The following LRRC1 variants were observed in gnomAD, a reference collection of about 807,000 sequenced individuals.
LRRC1 encodes leucine rich repeat containing 1.
A neutral mutation model predicts 69.9 loss-of-function variants in LRRC1; 28 were observed. The ratio of observed to expected loss-of-function variants is 0.40; its 90% CI spans 0.30 to 0.55. The LOEUF (loss-of-function observed/expected upper bound fraction) is 0.55. Among genes scored for constraint, LRRC1 ranks in the 20% least tolerant of loss-of-function variants. The pLI, the probability that LRRC1 is intolerant of heterozygous loss-of-function variation, is 0.47. For synonymous variants in LRRC1, 236 were observed against 240.2 expected (o/e 0.98, Z 0.16); for missense variants, 498 against 609.0 (o/e 0.82, Z 1.92).
In LRRC1 at chr6:53,923,404, G is replaced by C. The variant is rs1469708696; in HGVS notation, c.*611G>C. On this transcript the variant is annotated 3_prime_UTR_variant, in exon 14 of 14. Transcript: ENST00000370888. ...ATCCACTTGTGCCTTACTGTATCCT[G>C]TGTCATGTCCAATCAGTTGTAAACA... 1 of 152,608 alleles carries C rather than the reference G, an allele frequency of 6.6e-6. No individual in the cohort carries two copies. Among genetic ancestry groups the C allele is most frequent in the African/African-American group, 2.4e-5 (1 of 41,448 alleles). 9.5% of individuals were successfully genotyped at this position (152,608 alleles called of 1,614,324 possible).
At chr6:53,800,597 G>C (rs1764451843) in intron 1 of LRRC1, among the ~76,000 whole-genome samples, 1 of 151,580 alleles carries the variant, frequency 6.6e-6, no homozygotes, top group South Asian at 2.1e-4. Flanking sequence ...TTTCCTGGGA[G>C]TTATTTTTTA....
chr6:53,855,348 G>A (rs1766276044), intron 2 of LRRC1, among the ~76,000 whole-genome samples: 1 of 152,202 alleles, frequency 6.6e-6, no homozygotes, highest in African/African-American at 2.4e-5. Context: ...GAATGAATGA[G>A]TGCTGGGTTA....
chr6:53,795,266 T>A lies in LRRC1; in HGVS notation c.10T>A (p.Cys4Ser). Residue 4 changes from cysteine to serine, a missense_variant, in exon 1 of 14, where the codon TGC becomes AGC. Physicochemically the swap from Cys to Ser is moderately radical, Grantham distance 112 (BLOSUM62 -1). Transcript: ENST00000370888. MFH[C>S]IPLWRCNRHV... is the part of the protein sequence containing the mutation. The stretch of plus-strand genomic sequence containing the variant: ...GGCGGCGGGGGCGGCGATGTTCCAC[T>A]GCATCCCCCTGTGGCGGTGCAACCG... The A allele has an allele frequency of 6.2e-7, 1 of 1,609,160 alleles. No individual in the cohort carries two copies. Among genetic ancestry groups the A allele is most frequent in the Non-Finnish European group, 8.5e-7 (1 of 1,178,954 alleles).
Position 53,859,816 on chromosome 6 carries a change from A to G in LRRC1, c.277+17589A>G, listed in dbSNP as rs558023486. Among the ~76,000 whole-genome samples the G allele has an allele frequency of 6.2e-4, 95 of 152,340 alleles. 2 individuals carry two copies. Among genetic ancestry groups the G allele is most frequent in the African/African-American group, 2.1e-3 (89 of 41,578 alleles). On this transcript the variant is annotated intron_variant, in intron 2 of 13. Coordinates refer to ENST00000370888, the MANE Select transcript of LRRC1 (RefSeq NM_018214.5). ...AAAAAAAAATCCCAGAATGAAATAG[A>G]CTTGGAAACACAATGGGATAAATGC...
chr6:53,847,378 G>A (rs1765981349), intron 2 of LRRC1, among the ~76,000 whole-genome samples: 1 of 152,212 alleles, frequency 6.6e-6, no homozygotes, highest in Non-Finnish European at 1.5e-5. Flanking sequence ...AGGTGAAATA[G>A]AGATGGGTGA....
chr6:53,902,838 A>G (rs1369948324), intron 9 of LRRC1, 91 bp downstream of exon 9: 6 of 792,706 alleles, frequency 7.6e-6, no homozygotes, highest in Middle Eastern at 2.4e-4. Context: ...AAATTTCTTC[A>G]TATTACATCC....
chr6:53,821,845 G>A (rs917059905), intron 1 of LRRC1, among the ~76,000 whole-genome samples: 2 of 150,454 alleles, frequency 1.3e-5, no homozygotes, highest in South Asian at 2.1e-4. Context: ...GGACCTGAAG[G>A]TTAATGCTTT....
At chr6:53,844,653 G>A (rs1765884557) in intron 2 of LRRC1, among the ~76,000 whole-genome samples, 1 of 152,138 alleles carries the variant, frequency 6.6e-6, no homozygotes, top group East Asian at 1.9e-4. Flanking sequence ...GCTTTTTGTT[G>A]TTGTTGTTGT....
At chr6:53,919,086 C>T (rs551726254) in intron 11 of LRRC1, 2 of 153,278 alleles carry the variant, frequency 1.3e-5, no homozygotes, top group East Asian at 3.8e-4. Flanking sequence ...CCTGCAGCTT[C>T]ACACCAGCCC....
At chr6:53,920,038 T>A (rs538075184) in intron 12 of LRRC1, among the ~76,000 whole-genome samples, 1 of 152,362 alleles carries the variant, frequency 6.6e-6, no homozygotes, top group East Asian at 1.9e-4. Flanking sequence ...TTGAATTATT[T>A]TGAGTCATTG....
At position 53,798,980 on chromosome 6, in the gene LRRC1, A is replaced by T. The variant is rs538301626; in HGVS notation, c.159+3565A>T. 3.3e-5 allele frequency among the ~76,000 whole-genome samples: 5 copies of T among 152,310 alleles called. No homozygotes were observed. In the South Asian group the frequency reaches 1.0e-3, roughly 32 times the overall value. On this transcript the variant is annotated intron_variant, in intron 1 of 13. Transcript: ENST00000370888. ...GTACTTCCTCAGCCTTTCACATGCC[A>T]TTGGTTTTCTCCTCAGTGTGCACCA...
At chr6:53,896,338 G>T (rs969352996) in intron 4 of LRRC1, among the ~76,000 whole-genome samples, 160 bp from the exon 5 acceptor site, 2 of 152,118 alleles carry the variant, frequency 1.3e-5, no homozygotes, top group South Asian at 4.1e-4. Context: ...TGTTTTTAAT[G>T]GGTGTGGGGG....
rs528415225 is a variant in LRRC1 at position 53,827,485 on chromosome 6, G to A, written c.160-14625G>A. ...TCTTGAAGGAGCAGAGGCAAAATGCGTTGGAGAATCACCTTAATTTTTTCC... is the reference window on the plus strand; with the variant it reads ...TCTTGAAGGAGCAGAGGCAAAATGCATTGGAGAATCACCTTAATTTTTTCC... On this transcript the variant is annotated intron_variant, in intron 1 of 13. Coordinates refer to ENST00000370888, the MANE Select transcript of LRRC1 (RefSeq NM_018214.5). 9.9e-5 allele frequency among the ~76,000 whole-genome samples: 15 copies of A among 152,264 alleles called. No individual in the cohort carries two copies. In the South Asian group the frequency reaches 1.5e-3, roughly 15 times the overall value.
chr6:53,897,488 A>T, intron 7 of LRRC1, 129 bp downstream of exon 7: 1 of 622,020 alleles, frequency 1.6e-6, no homozygotes, highest in Non-Finnish European at 2.7e-6. Context: ...TTGAAAAGGC[A>T]CATTTGGAAA....
At chr6:53,862,286 CGTGTGTGTGTGTGTGTGTGTGT>C (rs6149589) in intron 2 of LRRC1, among the ~76,000 whole-genome samples, 1 of 144,368 alleles carries the variant, frequency 6.9e-6, no homozygotes, top group Non-Finnish European at 1.5e-5. Flanking sequence ...TAACCTGAAT[CGTGTGTGTGTGTGTGTGTGTGT>C]GTGTGTGTGT....
At chr6:53,804,028 A>G (rs1764567151) in intron 1 of LRRC1, among the ~76,000 whole-genome samples, 1 of 152,194 alleles carries the variant, frequency 6.6e-6, no homozygotes, top group Admixed American at 6.5e-5. Context: ...GTGGGCTCTG[A>G]CTGCTTGACT....
chr6:53,833,368 G>T (rs1288384839), intron 1 of LRRC1, among the ~76,000 whole-genome samples: 2 of 152,030 alleles, frequency 1.3e-5, no homozygotes, highest in Non-Finnish European at 1.5e-5. Flanking sequence ...GGCAACCTTG[G>T]GGCATTTATA....
At chr6:53,799,307 T>C (rs1416260964) in intron 1 of LRRC1, among the ~76,000 whole-genome samples, 1 of 152,234 alleles carries the variant, frequency 6.6e-6, no homozygotes, top group Non-Finnish European at 1.5e-5. Flanking sequence ...TGCTTTCTTG[T>C]TCTTTGTCTC....
chr6:53,922,113 A>G (rs1187173376), intron 13 of LRRC1, among the ~76,000 whole-genome samples: 1 of 152,212 alleles, frequency 6.6e-6, no homozygotes, highest in African/African-American at 2.4e-5. Context: ...AGTAGGTCAT[A>G]GAAATAGTAC....
Sources: allele counts gnomAD v4.1 joint callset (sites outside exome capture counted in the v4.1 genomes callset), GRCh38; gene constraint gnomAD v4.1.1; transcripts MANE v1.5; gene names NCBI Gene and HGNC (gene_info 2026-07-23, HGNC 2026-07-21).